The following NELL2 variants were observed in gnomAD, a reference collection of about 807,000 sequenced individuals.
The protein encoded by NELL2 is protein kinase C-binding protein NELL2.
Under a neutral mutation model 109.6 loss-of-function variants are expected in NELL2, and 41 were observed. That is an observed-to-expected ratio of 0.37 (90% CI 0.29 to 0.49). NELL2 has a LOEUF of 0.49. Among genes scored for constraint, NELL2 ranks in the 20% least tolerant of loss-of-function variants. The pLI is 0.98. For missense variants in NELL2, 900 were observed against 1,008.3 expected (o/e 0.89, Z 1.45); for synonymous variants, 355 against 344.7 (o/e 1.03, Z -0.33).
chr12:44,726,411 G>A (rs925820806), intron 9 of NELL2, among the ~76,000 whole-genome samples: 1 of 151,918 alleles, frequency 6.6e-6, no homozygotes, highest in African/African-American at 2.4e-5. Flanking sequence ...TGATGCAATG[G>A]GCTTCGCTTT....
intron 1 of NELL2, 57 bp downstream of exon 1, chr12:44,875,739 GGCTTCCCCAGCCAGCCCAT>G: frequency 1.2e-6 from 2 of 1,610,258 alleles, no homozygotes; most frequent in Non-Finnish European, 1.7e-6. Flanking sequence ...GGAAAAGCGA[GGCTTCCCCAGCCAGCCCAT>G]GCTGCCCCGA....
intron 2 of NELL2, among the ~76,000 whole-genome samples, chr12:44,848,067 C>G (rs865949013): frequency 6.6e-6 from 1 of 150,524 alleles, no homozygotes; most frequent in Non-Finnish European, 1.5e-5. Context: ...AAGACTCTTG[C>G]CCACTTCCTG....
intron 3 of NELL2, among the ~76,000 whole-genome samples, chr12:44,781,469 A>G (rs1179218227): frequency 6.6e-6 from 1 of 152,118 alleles, no homozygotes; most frequent in African/African-American, 2.4e-5. Context: ...AGCTTAAAAA[A>G]CAATATTGAA....
intron 15 of NELL2, among the ~76,000 whole-genome samples, chr12:44,595,836 A>G (rs1944941552): frequency 6.6e-6 from 1 of 152,156 alleles, no homozygotes; most frequent in South Asian, 2.1e-4. Flanking sequence ...ATATTGAGAA[A>G]ATCGGCAATG....
chr12:44,681,035 T>A (rs1267153304), intron 12 of NELL2, among the ~76,000 whole-genome samples: 2 of 151,606 alleles, frequency 1.3e-5, no homozygotes, highest in Admixed American at 1.3e-4. Context: ...ACCAAATCCA[T>A]TTTATTTATT....
At chr12:44,905,566 A>G (rs1363968363) in intron 1 of NELL2, among the ~76,000 whole-genome samples, 1 of 152,146 alleles carries the variant, frequency 6.6e-6, no homozygotes, top group East Asian at 1.9e-4. Context: ...GAAAATAGAT[A>G]AAAACTGATG....
In NELL2 at chr12:44,525,918, A is replaced by C. The variant is rs894893375; in HGVS notation, c.1805-2434T>G. Among the ~76,000 whole-genome samples, 27 of 150,870 alleles carry C rather than the reference A, an allele frequency of 1.8e-4. 1 individual carries two copies. The highest frequency in any genetic ancestry group is 1.5e-5 in the Non-Finnish European group (1 of 67,434). On this transcript the variant is annotated intron_variant, in intron 16 of 19. Coordinates refer to ENST00000429094, the MANE Select transcript of NELL2 (RefSeq NM_001145108.2). Reference sequence around the variant, plus strand: ...ATATTTTGCCATGCAAAGAGTAGGTAAAGAGTGGTCTAGAGTGTTTTTGAG... The same window carrying C: ...ATATTTTGCCATGCAAAGAGTAGGTCAAGAGTGGTCTAGAGTGTTTTTGAG...
chr12:44,552,002 T>G (rs1943059523), intron 15 of NELL2, among the ~76,000 whole-genome samples: 2 of 152,146 alleles, frequency 1.3e-5, no homozygotes, highest in Admixed American at 1.3e-4. Context: ...AGGTATGCTT[T>G]CGGGAGACTG....
At chr12:44,821,787 G>A (rs749503122) in intron 2 of NELL2, among the ~76,000 whole-genome samples, 14 of 151,580 alleles carry the variant, frequency 9.2e-5, no homozygotes, top group African/African-American at 2.7e-4. Flanking sequence ...ATGCAATCTC[G>A]GCTCACTGCA....
intron 9 of NELL2, among the ~76,000 whole-genome samples, chr12:44,741,646 A>C (rs1342846769): frequency 1.3e-5 from 2 of 152,246 alleles, no homozygotes; most frequent in Non-Finnish European, 2.9e-5. Flanking sequence ...ATGGCACACC[A>C]GGAGATTATA....
At chr12:44,618,587 T>TA (rs1239341720) in intron 13 of NELL2, among the ~76,000 whole-genome samples, 1 of 152,214 alleles carries the variant, frequency 6.6e-6, no homozygotes, top group Non-Finnish European at 1.5e-5. Flanking sequence ...TGTAACCAGA[T>TA]AGATTTGTTT....
At chr12:44,571,225 G>A (rs1339818254) in intron 15 of NELL2, among the ~76,000 whole-genome samples, 1 of 152,060 alleles carries the variant, frequency 6.6e-6, no homozygotes, top group African/African-American at 2.4e-5. Context: ...TAGTAAATGG[G>A]GCAATCGTTA....
At chr12:44,595,842 C>T (rs376663251) in intron 15 of NELL2, among the ~76,000 whole-genome samples, 1 of 152,128 alleles carries the variant, frequency 6.6e-6, no homozygotes, top group Non-Finnish European at 1.5e-5. Context: ...AGAAAATCGG[C>T]AATGGAAACT....
chr12:44,598,883 ACT>A (rs71459071), intron 15 of NELL2, among the ~76,000 whole-genome samples: 10,293 of 143,334 alleles, frequency 0.072, 450 homozygotes, highest in African/African-American at 0.098. Flanking sequence ...ACACACACAC[ACT>A]CTCTCTCTCT....
intron 12 of NELL2, among the ~76,000 whole-genome samples, chr12:44,675,230 C>T (rs1226070019): frequency 6.6e-6 from 1 of 152,094 alleles, no homozygotes; most frequent in Non-Finnish European, 1.5e-5. Flanking sequence ...GAACTCTGGA[C>T]CTGCATTTAT....
chr12:44,770,213 T>G (rs1289452081), intron 9 of NELL2, among the ~76,000 whole-genome samples: 2 of 152,198 alleles, frequency 1.3e-5, no homozygotes, highest in Admixed American at 6.5e-5. Flanking sequence ...ATTTCACTAC[T>G]TTGTATTTTT....
At position 44,686,769 on chromosome 12, in the gene NELL2, C is replaced by T. The variant is rs551466289; in HGVS notation, c.1318+16957G>A. 3.9e-5 allele frequency among the ~76,000 whole-genome samples: 6 copies of T among 152,316 alleles called. No individual in the cohort carries two copies. In the East Asian group the frequency reaches 9.7e-4, roughly 25 times the overall value. ...GACCCACTTGAGGAGGCAGTCTGTC[C>T]GTTCTCAGATCTCCAGCTGCGTGCT... On this transcript the variant is annotated intron_variant, in intron 12 of 19. Coordinates refer to ENST00000429094, the MANE Select transcript of NELL2 (RefSeq NM_001145108.2).
At chr12:44,615,616 T>G (rs974632836) in intron 13 of NELL2, among the ~76,000 whole-genome samples, 3 of 152,102 alleles carry the variant, frequency 2.0e-5, no homozygotes, top group Non-Finnish European at 4.4e-5. Context: ...TTTCCCAATC[T>G]ATTCATTTTT....
intron 12 of NELL2, among the ~76,000 whole-genome samples, chr12:44,696,120 A>C (rs961324559): frequency 2.6e-5 from 4 of 152,254 alleles, no homozygotes; most frequent in African/African-American, 9.6e-5. Context: ...AAGAGGCATC[A>C]TTGGCCAAAA....
Sources: gnomAD v4.1 joint callset for allele counts (sites outside exome capture counted in the v4.1 genomes callset) on GRCh38, gnomAD v4.1.1 for gene constraint, MANE v1.5 for transcripts, NCBI Gene and HGNC (gene_info 2026-07-23, HGNC 2026-07-21) for gene names.